The following STK3 variants were observed in gnomAD, a reference collection of about 807,000 sequenced individuals.
STK3 encodes serine/threonine kinase 3, also known as serine/threonine-protein kinase 3.
In STK3, 41 loss-of-function variants were observed where a neutral mutation model predicts 58.0. The observed-to-expected ratio is 0.71, with a 90% CI of 0.55 to 0.92. The LOEUF (loss-of-function observed/expected upper bound fraction) is 0.92. Among genes scored for constraint, STK3 ranks in the 40% least tolerant of loss-of-function variants. The probability of loss-of-function intolerance (pLI) is 0.00; values close to 1 mark genes in which losing one functional copy is unlikely to be tolerated. For missense variants in STK3, 479 were observed against 602.7 expected, an observed-to-expected ratio of 0.79 and a Z score of 2.15; for synonymous variants, 170 against 191.0, an observed-to-expected ratio of 0.89 and a Z score of 0.91.
rs145128758 is a variant in STK3, at chr8:98,488,416, C to G, written c.1318-32416G>C. ...ATGCATTAAAAGATAGACAATGGTA[C>G]AAGGACTATTCTCCCTAGTGGTAAC... On this transcript the variant is annotated intron_variant, in intron 10 of 10. Coordinates refer to ENST00000419617, the MANE Select transcript of STK3 (RefSeq NM_006281.4). 3.9e-5 allele frequency among the ~76,000 whole-genome samples: 6 copies of G among 152,276 alleles called. No individual in the cohort carries two copies. The East Asian group carries it at 7.7e-4, about 20-fold the overall frequency.
At chr8:98,417,031 A>T (rs1563596620) in intron 3 of STK3, among the ~76,000 whole-genome samples, 1 of 152,344 alleles carries the variant, frequency 6.6e-6, no homozygotes, top group Middle Eastern at 3.4e-3. Flanking sequence ...GCTTCTGAGT[A>T]ACTGACAGCT....
chr8:98,534,868 C>CA (rs1809629976), intron 9 of STK3, among the ~76,000 whole-genome samples: 1 of 152,186 alleles, frequency 6.6e-6, no homozygotes, highest in African/African-American at 2.4e-5. Flanking sequence ...TCAACTTACA[C>CA]ATATTTTTTA....
At chr8:98,561,264 T>A (rs1812008504) in intron 8 of STK3, among the ~76,000 whole-genome samples, 1 of 151,892 alleles carries the variant, frequency 6.6e-6, no homozygotes, top group Non-Finnish European at 1.5e-5. Context: ...AGAACAGTCT[T>A]TTAATCAAAT....
At chr8:98,532,879 CTGT>C (rs1161333249) in intron 9 of STK3, among the ~76,000 whole-genome samples, 9 of 152,278 alleles carry the variant, frequency 5.9e-5, no homozygotes, top group African/African-American at 2.2e-4. Context: ...ATTTTACTTC[CTGT>C]TTTTATGAAT....
intron 1 of STK3, among the ~76,000 whole-genome samples, chr8:98,785,535 C>G (rs1587616108): frequency 6.6e-6 from 1 of 152,170 alleles, no homozygotes; most frequent in East Asian, 1.9e-4. Flanking sequence ...CCCAGTCCAG[C>G]CCTGCATATC....
intron 1 of STK3, among the ~76,000 whole-genome samples, chr8:98,441,272 C>T (rs558350946): frequency 3.3e-4 from 51 of 152,262 alleles, no homozygotes; most frequent in Admixed American, 3.9e-4. Flanking sequence ...ATCTTTATAC[C>T]CGGAGAATTG....
upstream of STK3, among the ~76,000 whole-genome samples, chr8:98,828,341 C>A (rs747828508): frequency 1.3e-5 from 2 of 148,858 alleles, no homozygotes; most frequent in East Asian, 4.0e-4. Flanking sequence ...GTGGCTCACA[C>A]CTTCAACCCC....
chr8:98,855,048 C>T (rs1005170125), intron 3 of STK3, among the ~76,000 whole-genome samples: 8 of 151,944 alleles, frequency 5.3e-5, no homozygotes, highest in East Asian at 1.9e-4. Flanking sequence ...CAGAGTGAGA[C>T]GCTGTCTCAA....
At chr8:98,597,382 T>C (rs1392731112) in intron 6 of STK3, 3 of 984,566 alleles carry the variant, frequency 3.0e-6, no homozygotes, top group Non-Finnish European at 3.6e-6. Context: ...AATTCTTTAA[T>C]AGATTAGAAT....
intron 10 of STK3, 91 bp downstream of exon 10, chr8:98,526,647 TACAC>T (rs1199498577): frequency 9.7e-7 from 1 of 1,033,920 alleles, no homozygotes; most frequent in Non-Finnish European, 1.3e-6. Context: ...TGTATATACA[TACAC>T]ACAGTTCATA....
chr8:98,350,342 A>T, the STK3 span, among the ~76,000 whole-genome samples: 1 of 152,198 alleles, frequency 6.6e-6, no homozygotes, highest in Non-Finnish European at 1.5e-5. Flanking sequence ...CATTGTCTGT[A>T]TCATTATCAG....
At chr8:98,711,089 G>GA (rs1472968316) in intron 4 of STK3, among the ~76,000 whole-genome samples, 1 of 152,178 alleles carries the variant, frequency 6.6e-6, no homozygotes, top group Non-Finnish European at 1.5e-5. Flanking sequence ...CTGACAGAAG[G>GA]AAAACTAACA....
intron 6 of STK3, among the ~76,000 whole-genome samples, chr8:98,703,977 AT>A (rs1475152196): frequency 1.3e-5 from 2 of 152,210 alleles, no homozygotes; most frequent in African/African-American, 4.8e-5. Context: ...TTGAATATGT[AT>A]TTTTAATATT....
intron 10 of STK3, among the ~76,000 whole-genome samples, chr8:98,479,392 C>A (rs965308227): frequency 1.6e-4 from 24 of 148,002 alleles, no homozygotes; most frequent in African/African-American, 5.7e-4. Flanking sequence ...GAGGCTGAGG[C>A]AGCAGAATTG....
chr8:98,900,665 C>CT lies in STK3; in HGVS notation c.-78-16832dup, dbSNP rs944171968. Among the ~76,000 whole-genome samples, 635 of 141,410 alleles carry CT rather than the reference C, an allele frequency of 4.5e-3. 11 individuals are homozygous for CT. The highest frequency in any genetic ancestry group is 0.014 in the African/African-American group (554 of 38,746). The allele number at this position is 141,410 out of a possible 152,430, so 92.8% of individuals were successfully genotyped here. A position where few individuals can be genotyped will look rare whatever the true frequency, so the allele number is the denominator to read the frequency against. On this transcript the variant is annotated intron_variant, in intron 1 of 1. Coordinates refer to the STK3 transcript ENST00000519420. ...TGTTATAGTTTTATATTCTTTTTTT[C>CT]TTTTTTTTTTTTCTGAGACAGGGTC...
chr8:98,792,435 G>A (rs878999461), intron 1 of STK3, among the ~76,000 whole-genome samples: 7 of 152,178 alleles, frequency 4.6e-5, no homozygotes, highest in African/African-American at 9.7e-5. Flanking sequence ...AGTGGCTCAC[G>A]CCTGTGATCC....
chr8:98,792,894 GTA>G (rs762708267), intron 1 of STK3, among the ~76,000 whole-genome samples: 7 of 89,688 alleles, frequency 7.8e-5, no homozygotes, highest in South Asian at 5.5e-4. Flanking sequence ...TAAAGAGACT[GTA>G]TGTGTGTGTG....
At chr8:98,694,718 T>C (rs1824719155) in intron 6 of STK3, among the ~76,000 whole-genome samples, 1 of 152,242 alleles carries the variant, frequency 6.6e-6, no homozygotes, top group Non-Finnish European at 1.5e-5. Context: ...CCATGGTGTA[T>C]ATGTGCCACA....
At chr8:98,664,701 G>C (rs1451239002) in intron 6 of STK3, among the ~76,000 whole-genome samples, 3 of 152,068 alleles carry the variant, frequency 2.0e-5, no homozygotes, top group Admixed American at 6.6e-5. Flanking sequence ...GAACTAATAA[G>C]TTCACCGAAA....
Sources: allele counts gnomAD v4.1 joint callset (sites outside exome capture counted in the v4.1 genomes callset), GRCh38; gene constraint gnomAD v4.1.1; transcripts MANE v1.5; gene names NCBI Gene and HGNC (gene_info 2026-07-23, HGNC 2026-07-21).